PCDHA3: variants seen among roughly 807,000 people sequenced by gnomAD.
PCDHA3 encodes protocadherin alpha 3, also known as protocadherin alpha-3.
PCDHA3 carries 41 observed loss-of-function variants against 62.2 expected under a neutral mutation model. The ratio of observed to expected loss-of-function variants is 0.66; its 90% CI spans 0.51 to 0.86. The LOEUF (loss-of-function observed/expected upper bound fraction) is 0.86, where lower values mean the gene tolerates loss of function less well. Among genes scored for constraint, PCDHA3 ranks in the 40% least tolerant of loss-of-function variants. PCDHA3 has a pLI of 0.00. For missense variants in PCDHA3, 1,304 were observed against 1,241.2 expected (o/e 1.05, Z -0.76); for synonymous variants, 640 against 555.4 (o/e 1.15, Z -2.14).
At chr5:140,808,717 G>A (rs1554124714) in intron 1 of PCDHA3, 2 of 1,612,114 alleles carry the variant, frequency 1.2e-6, no homozygotes, top group African/African-American at 1.3e-5. Context: ...ACGTTTCGGT[G>A]CATGCGGAGA....
chr5:140,814,945 C>T (rs1300851888), intron 1 of PCDHA3: 1 of 152,130 alleles, frequency 6.6e-6, no homozygotes, highest in Non-Finnish European at 1.5e-5. Context: ...TAATGTCCTT[C>T]TTTGTCTCTT....
intron 3 of PCDHA3, among the ~76,000 whole-genome samples, chr5:140,982,886 G>A (rs1310342145): frequency 1.3e-5 from 2 of 152,114 alleles, no homozygotes; most frequent in Admixed American, 6.6e-5. Flanking sequence ...GCCATGCAGA[G>A]AAGATCTGGT....
chr5:140,822,455 T>C, intron 1 of PCDHA3: 1 of 1,613,778 alleles, frequency 6.2e-7, no homozygotes, highest in Non-Finnish European at 8.5e-7. Flanking sequence ...ACAGTTCAGT[T>C]GTTGATCAAT....
At chr5:140,944,907 T>A (rs246063) in intron 1 of PCDHA3, among the ~76,000 whole-genome samples, 85,748 of 151,952 alleles carry the variant, frequency 0.56, 24,800 homozygotes, top group African/African-American at 0.69. Flanking sequence ...TTCCACAAAC[T>A]TCTCTTTATA....
intron 1 of PCDHA3, among the ~76,000 whole-genome samples, chr5:140,923,645 C>T (rs939799750): frequency 1.1e-4 from 17 of 152,126 alleles, no homozygotes; most frequent in African/African-American, 4.1e-4. Context: ...AATCTTTAGC[C>T]TCCCTTATCT....
intron 1 of PCDHA3, chr5:140,967,146 AC>A: frequency 6.2e-7 from 1 of 1,610,972 alleles, no homozygotes; most frequent in Non-Finnish European, 8.5e-7. Context: ...CTGGCGCACA[AC>A]CCCGTGGCGG....
chr5:140,869,786 T>C lies in PCDHA3; in HGVS notation c.2394+66195T>C, dbSNP rs1554163459. On this transcript the variant is annotated intron_variant, in intron 1 of 3. Transcript: ENST00000522353. ...CCAGAGCTTACTGGCACCGTTCGGC[T>C]GTTAGTCCAAGTCTTGGATGTCAAC... 1.9e-6 allele frequency: 3 copies of C among 1,612,992 alleles called. No homozygotes were observed. The East Asian group carries it at 6.7e-5, about 36-fold the overall frequency.
At chr5:140,868,536 T>C (rs2050515063) in intron 1 of PCDHA3, 1 of 152,638 alleles carries the variant, frequency 6.6e-6, no homozygotes, top group Non-Finnish European at 1.5e-5. Flanking sequence ...AGTAAAACAA[T>C]TCAAATTTGA....
rs2150154763 is a variant in PCDHA3, at chr5:140,828,384, G to A, written c.2394+24793G>A. ...ATCGACCGCGAGGAGCTGTGCGGGC[G>A]GAGCGCGGAGTGCAGCATCCACCTG... On this transcript the variant is annotated intron_variant, in intron 1 of 3. Coordinates refer to ENST00000522353, the MANE Select transcript of PCDHA3 (RefSeq NM_018906.3). The A allele has an allele frequency of 1.4e-5, 23 of 1,614,166 alleles. No individual in the cohort carries two copies. In the East Asian group the frequency reaches 4.0e-4, roughly 28 times the overall value.
intron 1 of PCDHA3, chr5:140,862,267 A>G (rs968907254): frequency 8.7e-6 from 2 of 230,002 alleles, no homozygotes; most frequent in African/African-American, 4.5e-5. Flanking sequence ...GCAGTAAGTC[A>G]CTATCATTCC....
intron 1 of PCDHA3, chr5:140,842,493 C>T (rs1554139100): frequency 6.2e-7 from 1 of 1,613,738 alleles, no homozygotes; most frequent in Non-Finnish European, 8.5e-7. Context: ...TCCCTGATGC[C>T]CCATGTCCCC....
At chr5:140,817,006 T>A (rs1766044039) in intron 1 of PCDHA3, 1 of 152,096 alleles carries the variant, frequency 6.6e-6, no homozygotes, top group South Asian at 2.1e-4. Context: ...CATTTTACTC[T>A]CTCTTTCCCT....
intron 1 of PCDHA3, chr5:140,827,862 T>A: frequency 1.7e-6 from 1 of 602,860 alleles, no homozygotes; most frequent in Non-Finnish European, 2.9e-6. Context: ...AAATATATGG[T>A]ATAGCACTGT....
intron 1 of PCDHA3, chr5:140,809,633 T>C (rs1554125334): frequency 2.0e-6 from 3 of 1,504,022 alleles, no homozygotes; most frequent in South Asian, 1.4e-5. Flanking sequence ...AACTTCTTCG[T>C]AAATTTATTT....
chr5:140,836,240 C>T, intron 1 of PCDHA3: 4 of 1,613,780 alleles, frequency 2.5e-6, no homozygotes, highest in Non-Finnish European at 3.4e-6. Context: ...CCGGTGCGAG[C>T]ATCCCGTTCC....
chr5:140,883,414 T>C, intron 1 of PCDHA3: 1 of 1,614,170 alleles, frequency 6.2e-7, no homozygotes, highest in South Asian at 1.1e-5. Flanking sequence ...CTGGCTCAAA[T>C]GGACAGGTCA....
chr5:140,972,766 T>G (rs2096555102), intron 1 of PCDHA3, among the ~76,000 whole-genome samples: 1 of 149,250 alleles, frequency 6.7e-6, no homozygotes, highest in African/African-American at 2.5e-5. Flanking sequence ...CAAGTTAAAG[T>G]GATTCTTCTG....
intron 1 of PCDHA3, chr5:140,821,727 A>G: frequency 6.6e-7 from 1 of 1,508,774 alleles, no homozygotes; most frequent in Middle Eastern, 1.8e-4. Flanking sequence ...TTTACAAAAT[A>G]CATTGTGTGG....
At chr5:140,823,768 C>T (rs1434729447) in intron 1 of PCDHA3, 8 of 1,613,736 alleles carry the variant, frequency 5.0e-6, no homozygotes, top group Non-Finnish European at 6.8e-6. Context: ...AGCCACAGTG[C>T]TGGTGTCGCT....
Sources: allele counts gnomAD v4.1 joint callset (sites outside exome capture counted in the v4.1 genomes callset), GRCh38; gene constraint gnomAD v4.1.1; transcripts MANE v1.5; gene names NCBI Gene and HGNC (gene_info 2026-07-23, HGNC 2026-07-21).